ZNF12: variants seen among roughly 807,000 people sequenced by gnomAD.
The protein encoded by ZNF12 is zinc finger protein 12.
A neutral mutation model predicts 66.6 loss-of-function variants in ZNF12; 34 were observed. The observed-to-expected ratio is 0.51, with a 90% CI of 0.39 to 0.68. The LOEUF is 0.68. Among genes scored for constraint, ZNF12 ranks in the 30% least tolerant of loss-of-function variants. ZNF12 has a pLI of 0.00. For synonymous variants in ZNF12, 320 were observed against 278.9 expected, an observed-to-expected ratio of 1.15 and a Z score of -1.47; for missense variants, 697 against 826.9, an observed-to-expected ratio of 0.84 and a Z score of 1.93.
intron 4 of ZNF12, among the ~76,000 whole-genome samples, chr7:6,694,968 GGCTGGAGT>G (rs1780132691): frequency 6.6e-6 from 1 of 152,136 alleles, no homozygotes; most frequent in Non-Finnish European, 1.5e-5. Flanking sequence ...CTGTCACCCA[GGCTGGAGT>G]GCAGTGGTGC....
At chr7:6,703,464 A>C (rs1780291185) in intron 2 of ZNF12, among the ~76,000 whole-genome samples, 1 of 152,202 alleles carries the variant, frequency 6.6e-6, no homozygotes, top group Admixed American at 6.5e-5. Context: ...AACAATCGCG[A>C]GGTCAGAAAA....
At chr7:6,700,430 G>A (rs1405567839) in intron 2 of ZNF12, among the ~76,000 whole-genome samples, 3 of 151,604 alleles carry the variant, frequency 2.0e-5, no homozygotes, top group African/African-American at 4.9e-5. Flanking sequence ...CCTATAGATC[G>A]TATATATTTG....
In ZNF12 at chr7:6,706,548, C is replaced by A. The variant is rs759166319; in HGVS notation, c.-167G>T. The A allele has an allele frequency of 1.1e-5, 5 of 470,624 alleles. No individual in the cohort carries two copies. The East Asian group carries it at 3.3e-4, about 31-fold the overall frequency. The allele number at this position is 470,624 out of a possible 1,614,324, so 29.2% of individuals were successfully genotyped here. On this transcript the variant is annotated 5_prime_UTR_variant, in exon 1 of 5. Coordinates refer to ENST00000405858, the MANE Select transcript of ZNF12 (RefSeq NM_016265.4). ...TCCTGTCCACCTCACCAAGGCCGTTCTGCTCCAGAGGGGCCCGGGCCGGGC... is the reference window on the plus strand; with the variant it reads ...TCCTGTCCACCTCACCAAGGCCGTTATGCTCCAGAGGGGCCCGGGCCGGGC...
In ZNF12 at chr7:6,690,167, C is replaced by T. The variant is rs1340609181; in HGVS notation, c.*681G>A. On this transcript the variant is annotated 3_prime_UTR_variant, in exon 5 of 5. Transcript: ENST00000405858. ...AGAGAAGAGTGCAAGAAAAAGTATA[C>T]TTTATACCTATCAAATGATATTAAT... 1 of 152,190 alleles carries T rather than the reference C, an allele frequency of 6.6e-6. No individual in the cohort carries two copies. Among genetic ancestry groups the T allele is most frequent in the Non-Finnish European group, 1.5e-5 (1 of 68,038 alleles). The allele number at this position is 152,190 out of a possible 1,614,324, so 9.4% of individuals were successfully genotyped here. A position where few individuals can be genotyped will look rare whatever the true frequency, so the allele number is the denominator to read the frequency against.
chr7:6,706,311 CA>C (rs1160016842), intron 1 of ZNF12, 120 bp downstream of exon 1: 1 of 437,870 alleles, frequency 2.3e-6, no homozygotes, highest in African/African-American at 2.0e-5. Flanking sequence ...CCTTCAAACC[CA>C]AACACACGTC....
intron 2 of ZNF12, among the ~76,000 whole-genome samples, chr7:6,702,322 A>ACC (rs1238256380): frequency 2.5e-5 from 3 of 121,482 alleles, no homozygotes; most frequent in Non-Finnish European, 5.2e-5. Flanking sequence ...ACACACACAC[A>ACC]CACCAGATTC....
intron 2 of ZNF12, among the ~76,000 whole-genome samples, chr7:6,702,101 A>G (rs1261976683): frequency 2.0e-5 from 3 of 151,882 alleles, no homozygotes; most frequent in African/African-American, 4.8e-5. Flanking sequence ...TCCCAGCACT[A>G]TTTCTCAGTC....
intron 4 of ZNF12, among the ~76,000 whole-genome samples, chr7:6,694,889 A>G (rs983118156): frequency 9.2e-5 from 14 of 152,190 alleles, no homozygotes; most frequent in African/African-American, 3.1e-4. Context: ...TCAGCACTCC[A>G]TGTAAAATGC....
At chr7:6,694,317 T>G (rs1285966507) in intron 4 of ZNF12, among the ~76,000 whole-genome samples, 1 of 152,168 alleles carries the variant, frequency 6.6e-6, no homozygotes, top group Non-Finnish European at 1.5e-5. Flanking sequence ...TGAAACGATA[T>G]CAACCGTAAC....
chr7:6,701,004 A>C (rs1362534610), intron 2 of ZNF12: 2 of 152,170 alleles, frequency 1.3e-5, no homozygotes, highest in African/African-American at 4.8e-5. Context: ...TCGAGACAGG[A>C]TCTTGATCTG....
chr7:6,697,903 C>T lies in ZNF12; in HGVS notation c.16-92G>A. 1 of 1,322,892 alleles carries T rather than the reference C, an allele frequency of 7.6e-7. No individual in the cohort carries two copies. Among genetic ancestry groups the T allele is most frequent in the Non-Finnish European group, 1.1e-6 (1 of 918,984 alleles). 81.9% of individuals were successfully genotyped at this position (1,322,892 alleles called of 1,614,324 possible). A position where few individuals can be genotyped will look rare whatever the true frequency, so the allele number is the denominator to read the frequency against. On this transcript the variant is annotated intron_variant, in intron 2 of 4. Transcript: ENST00000405858. The surrounding 1 kb of genome is among the most constrained non-coding windows in gnomAD (Gnocchi z 6.1). The stretch of plus-strand genomic sequence containing the variant: ...GCTCACTGGCAAAATTAACCATGAA[C>T]ACTGTATACCTTTATTTTATGTTAC...
rs997597090 is a variant in ZNF12 at position 6,697,326 on chromosome 7, T to G, written c.238+13A>C. 4 of 1,593,888 alleles carry G rather than the reference T, an allele frequency of 2.5e-6. No homozygotes were observed. In the African/African-American group the frequency reaches 5.4e-5, roughly 21 times the overall value. On this transcript the variant is annotated intron_variant, in intron 4 of 4. Transcript: ENST00000405858. This position sits in a 1 kb window ranked among gnomAD's most constrained non-coding sequence, Gnocchi z 6.1. ...CCAAGTTACCGATCTCCTCACTGCC[T>G]CCACTAACACACCTGGATAGCTCTG... is the stretch of plus-strand genomic sequence containing the variant.
chr7:6,706,230 G>A (rs1236196502), intron 1 of ZNF12, among the ~76,000 whole-genome samples: 1 of 152,170 alleles, frequency 6.6e-6, no homozygotes, highest in Non-Finnish European at 1.5e-5. Context: ...GGGGGGAGTG[G>A]AGACAACGTC....
At chr7:6,701,619 C>A (rs1297167122) in intron 2 of ZNF12, among the ~76,000 whole-genome samples, 2 of 152,094 alleles carry the variant, frequency 1.3e-5, no homozygotes, top group African/African-American at 4.8e-5. Context: ...TAGGATGCAG[C>A]TGCTCTCTCC....
chr7:6,699,423 C>G (rs1190149147), intron 2 of ZNF12, among the ~76,000 whole-genome samples: 1 of 152,162 alleles, frequency 6.6e-6, no homozygotes, highest in Non-Finnish European at 1.5e-5. Flanking sequence ...TGAGGGTAAT[C>G]AGGGCTGAGA....
Position 6,706,480 on chromosome 7 carries a change from G to T in ZNF12, c.-99C>A. The stretch of plus-strand genomic sequence containing the variant: ...GCCCCACCGCTCCCGACAGGCCGGG[G>T]CGGGATTGCTGTCGCGGGCGCGCGT... On this transcript the variant is annotated 5_prime_UTR_variant, in exon 1 of 5. Transcript: ENST00000405858. The T allele has an allele frequency of 2.1e-6, 1 of 475,316 alleles. No individual in the cohort carries two copies. 29.4% of individuals were successfully genotyped at this position (475,316 alleles called of 1,614,324 possible).
chr7:6,692,267 G>C lies in ZNF12; in HGVS notation c.675C>G (p.Ala225=), dbSNP rs370027127. The C allele has an allele frequency of 4.6e-5, 74 of 1,613,098 alleles. No individual in the cohort carries two copies. Among genetic ancestry groups the C allele is most frequent in the Non-Finnish European group, 5.5e-5 (65 of 1,179,666 alleles). Residue 225 remains alanine, a synonymous_variant, in exon 5 of 5, where the codon GCC becomes GCG. Transcript: ENST00000405858. The surrounding 1 kb of genome is among the most constrained non-coding windows in gnomAD (Gnocchi z 5.1). ...KPFEYIECQK[A]FQKDTVFVNH... ...TAACAAAAACAGTGTCCTTTTGGAA[G>C]GCTTTCTGGCATTCAATATATTCAA...
chr7:6,689,128 G>C lies in ZNF12; in HGVS notation c.*1720C>G, dbSNP rs1780029362. 1 of 152,226 alleles carries C rather than the reference G, an allele frequency of 6.6e-6. No homozygotes were observed. The highest frequency in any genetic ancestry group is 6.5e-5 in the Admixed American group (1 of 15,286). 9.4% of individuals were successfully genotyped at this position (152,226 alleles called of 1,614,324 possible). A position where few individuals can be genotyped will look rare whatever the true frequency, so the allele number is the denominator to read the frequency against. On this transcript the variant is annotated 3_prime_UTR_variant, in exon 5 of 5. Coordinates refer to ENST00000405858, the MANE Select transcript of ZNF12 (RefSeq NM_016265.4). ...AGAATGTCTTCAGTTATTAGTAATAGAGCATCCTAAATCAACTGGCTTAAA... is the reference window on the plus strand; with the variant it reads ...AGAATGTCTTCAGTTATTAGTAATACAGCATCCTAAATCAACTGGCTTAAA...
intron 1 of ZNF12, among the ~76,000 whole-genome samples, chr7:6,706,187 G>A (rs1780353048): frequency 6.6e-6 from 1 of 152,172 alleles, no homozygotes; most frequent in South Asian, 2.1e-4. Flanking sequence ...TAGCAATCTG[G>A]AGCAGAGAGA....
Sources: allele counts gnomAD v4.1 joint callset (sites outside exome capture counted in the v4.1 genomes callset), GRCh38; gene constraint gnomAD v4.1.1; non-coding constraint Gnocchi (gnomAD v3.1); transcripts MANE v1.5; gene names NCBI Gene and HGNC (gene_info 2026-07-23, HGNC 2026-07-21).